Variants in MGAT4C observed in about 807,000 individuals in gnomAD.
MGAT4C encodes alpha-1,3-mannosyl-glycoprotein 4-beta-N-acetylglucosaminyltransferase C.
MGAT4C carries 19 observed loss-of-function variants against 40.1 expected under a neutral mutation model. The observed-to-expected ratio is 0.47, with a 90% CI of 0.33 to 0.70. The LOEUF is 0.70. Among genes scored for constraint, MGAT4C ranks in the 30% least tolerant of loss-of-function variants. The probability of loss-of-function intolerance (pLI) is 0.02; values close to 1 mark genes in which losing one functional copy is unlikely to be tolerated. For missense variants in MGAT4C, 491 were observed against 563.2 expected (o/e 0.87, Z 1.30); for synonymous variants, 181 against 187.1 (o/e 0.97, Z 0.27).
chr12:85,986,449 C>G (rs1158899767), intron 3 of MGAT4C, among the ~76,000 whole-genome samples: 18 of 152,210 alleles, frequency 1.2e-4, no homozygotes, highest in Non-Finnish European at 1.5e-5. Flanking sequence ...GTGTTTGTCT[C>G]TTACACTAAG....
At chr12:85,997,827 C>A (rs184049806) in intron 2 of MGAT4C, among the ~76,000 whole-genome samples, 454 of 152,280 alleles carry the variant, frequency 3.0e-3, no homozygotes, top group Admixed American at 5.2e-3. Context: ...TGTGGCTTTT[C>A]CAGGTGCACA....
intron 3 of MGAT4C, 90 bp from the exon 4 acceptor site, chr12:85,983,760 A>G: frequency 6.6e-6 from 7 of 1,056,546 alleles, no homozygotes; most frequent in Non-Finnish European, 8.0e-6. Flanking sequence ...TAAATGTACG[A>G]CTACAATATA....
intron 2 of MGAT4C, among the ~76,000 whole-genome samples, chr12:86,563,215 T>C (rs568768821): frequency 3.3e-5 from 5 of 152,166 alleles, no homozygotes; most frequent in Non-Finnish European, 5.9e-5. Context: ...AGTCACTCAA[T>C]TGGAAAATTT....
At chr12:86,320,121 CG>C in intron 4 of MGAT4C, among the ~76,000 whole-genome samples, 1 of 152,210 alleles carries the variant, frequency 6.6e-6, no homozygotes, top group East Asian at 1.9e-4. Context: ...TCCCTCACCA[CG>C]TCTTCTTCTA....
At chr12:86,443,830 G>C (rs1592854872) in intron 2 of MGAT4C, among the ~76,000 whole-genome samples, 1 of 152,024 alleles carries the variant, frequency 6.6e-6, no homozygotes, top group South Asian at 2.1e-4. Flanking sequence ...TCCTGACCTC[G>C]TGATGCGCCC....
chr12:86,373,190 T>C (rs1955755192), intron 3 of MGAT4C, among the ~76,000 whole-genome samples: 1 of 151,948 alleles, frequency 6.6e-6, no homozygotes, highest in South Asian at 2.1e-4. Flanking sequence ...TCTTGGTAAC[T>C]GATAGGGTTA....
At chr12:86,481,305 A>G (rs1031391694) in intron 2 of MGAT4C, among the ~76,000 whole-genome samples, 5 of 152,030 alleles carry the variant, frequency 3.3e-5, no homozygotes, top group Non-Finnish European at 5.9e-5. Context: ...ACCAAGGACA[A>G]ATGGAATTGG....
chr12:86,774,036 C>T (rs1951687067), intron 1 of MGAT4C, among the ~76,000 whole-genome samples: 1 of 142,332 alleles, frequency 7.0e-6, no homozygotes, highest in African/African-American at 2.6e-5. Context: ...TTACTGCGAC[C>T]TCTGTCTTTT....
intron 2 of MGAT4C, among the ~76,000 whole-genome samples, chr12:86,542,469 C>T (rs1959173150): frequency 6.6e-6 from 1 of 152,196 alleles, no homozygotes; most frequent in African/African-American, 2.4e-5. Context: ...TGTGGGAGAG[C>T]TGTTTTTCTC....
At chr12:86,177,865 T>C (rs1887637457) in intron 1 of MGAT4C, among the ~76,000 whole-genome samples, 2 of 152,174 alleles carry the variant, frequency 1.3e-5, no homozygotes, top group African/African-American at 4.8e-5. Flanking sequence ...TAATTTAAAA[T>C]TAAATAAAAA....
chr12:86,216,032 A>G (rs1206045339), intron 1 of MGAT4C, among the ~76,000 whole-genome samples: 1 of 152,192 alleles, frequency 6.6e-6, no homozygotes, highest in Non-Finnish European at 1.5e-5. Flanking sequence ...CAGATACCTT[A>G]ATAAACATGA....
intron 2 of MGAT4C, among the ~76,000 whole-genome samples, chr12:86,488,824 A>C (rs1713183917): frequency 6.6e-6 from 1 of 152,196 alleles, no homozygotes; most frequent in Non-Finnish European, 1.5e-5. Context: ...AAAATTAATA[A>C]TACTTTAAAA....
intron 2 of MGAT4C, among the ~76,000 whole-genome samples, chr12:86,006,548 C>T (rs918226485): frequency 1.3e-5 from 2 of 152,168 alleles, no homozygotes; most frequent in African/African-American, 4.8e-5. Context: ...GACAAAGAAT[C>T]TCTCCTTGAC....
chr12:86,177,445 T>C (rs1380582402), intron 1 of MGAT4C, among the ~76,000 whole-genome samples: 1 of 152,052 alleles, frequency 6.6e-6, no homozygotes. Context: ...GAAAATGAAC[T>C]CAAAACATTC....
At chr12:86,814,746 T>C (rs1254382798) in intron 1 of MGAT4C, among the ~76,000 whole-genome samples, 2 of 151,942 alleles carry the variant, frequency 1.3e-5, no homozygotes, top group Non-Finnish European at 2.9e-5. Flanking sequence ...ATGGGATGAG[T>C]GCCCTTATAA....
chr12:86,210,319 A>T, intron 1 of MGAT4C, among the ~76,000 whole-genome samples: 1 of 152,324 alleles, frequency 6.6e-6, no homozygotes, highest in Non-Finnish European at 1.5e-5. Flanking sequence ...TGTTCAGCAA[A>T]TTTTTGTTTC....
intron 3 of MGAT4C, among the ~76,000 whole-genome samples, chr12:86,347,813 C>A (rs1399539356): frequency 2.0e-5 from 3 of 152,058 alleles, no homozygotes; most frequent in Admixed American, 2.0e-4. Flanking sequence ...ATTACAAAAG[C>A]ATTAAAGTAA....
At chr12:86,416,048 C>G (rs942943924) in intron 3 of MGAT4C, among the ~76,000 whole-genome samples, 1 of 151,916 alleles carries the variant, frequency 6.6e-6, no homozygotes, top group Non-Finnish European at 1.5e-5. Context: ...ACATTTCGAA[C>G]ATTTGTGTAT....
chr12:86,409,537 T>C (rs944985801), intron 3 of MGAT4C, among the ~76,000 whole-genome samples: 1 of 152,104 alleles, frequency 6.6e-6, no homozygotes, highest in Non-Finnish European at 1.5e-5. Context: ...ACAAAAGACA[T>C]CACAACCTTA....
Sources: allele counts gnomAD v4.1 joint callset (sites outside exome capture counted in the v4.1 genomes callset), GRCh38; gene constraint gnomAD v4.1.1; transcripts MANE v1.5; gene names NCBI Gene and HGNC (gene_info 2026-07-23, HGNC 2026-07-21).